The following TNFSF8 variants were observed in gnomAD, a reference collection of about 807,000 sequenced individuals.
The protein encoded by TNFSF8 is TNF superfamily member 8, also known as tumor necrosis factor ligand superfamily member 8.
In TNFSF8, 4 loss-of-function variants were observed where a neutral mutation model predicts 22.0. That is an observed-to-expected ratio of 0.18 (90% confidence interval 0.09 to 0.42). The LOEUF is 0.42. Ranked by LOEUF, TNFSF8 falls within the 10% of genes least tolerant of loss-of-function variation. The pLI, the probability that TNFSF8 is intolerant of heterozygous loss-of-function variation, is 1.00. For synonymous variants in TNFSF8, 106 were observed against 112.5 expected (o/e 0.94, Z 0.37); for missense variants, 233 against 281.8 (o/e 0.83, Z 1.24).
intron 2 of TNFSF8, among the ~76,000 whole-genome samples, chr9:114,911,657 A>G (rs1207569056): frequency 1.3e-5 from 2 of 152,228 alleles, no homozygotes; most frequent in African/African-American, 4.8e-5. Flanking sequence ...GACTGAGCAC[A>G]TAGGAAGTGA....
Position 114,927,092 on chromosome 9 carries a change from A to G in TNFSF8, c.195+3017T>C, listed in dbSNP as rs188134951. 4.0e-3 allele frequency among the ~76,000 whole-genome samples: 588 copies of G among 147,272 alleles called. 3 individuals carry two copies. Among genetic ancestry groups the G allele is most frequent in the African/African-American group, 0.014 (563 of 40,806 alleles). On this transcript the variant is annotated intron_variant, in intron 1 of 3. Transcript: ENST00000223795. ...TTATTTTATAATATATTTATAATAT[A>G]AAATGTTTATTTTATAATATAAAGT...
At chr9:114,920,265 AT>A (rs1564371587) in intron 1 of TNFSF8, among the ~76,000 whole-genome samples, 1 of 152,220 alleles carries the variant, frequency 6.6e-6, no homozygotes, top group Non-Finnish European at 1.5e-5. Context: ...TCTTACCACA[AT>A]CATCAAATTC....
chr9:114,924,190 A>T (rs527872779), intron 1 of TNFSF8, among the ~76,000 whole-genome samples: 19 of 152,208 alleles, frequency 1.2e-4, no homozygotes, highest in Non-Finnish European at 2.4e-4. Context: ...AGCTTGTTAA[A>T]ATGCAGATTC....
At chr9:114,898,291 C>T (rs1275373023), downstream of TNFSF8, among the ~76,000 whole-genome samples, 2 of 152,134 alleles carry the variant, frequency 1.3e-5, no homozygotes, top group South Asian at 4.1e-4. Flanking sequence ...CCTGAGCCAC[C>T]GTGCCTGGCT....
In TNFSF8 at chr9:114,904,102, C is replaced by T. The variant is rs866292868; in HGVS notation, c.534G>A (p.Glu178=). 1 of 1,614,142 alleles carries T rather than the reference C, an allele frequency of 6.2e-7. No homozygotes were observed. The highest frequency in any genetic ancestry group is 8.5e-7 in the Non-Finnish European group (1 of 1,179,994). ...ATACGTGTTTCGTTTGCATTCCAGA[C>T]TCACACACTGTCACCAGGGCCTGTT... The part of the protein sequence containing the change: ...IKKQALVTVC[E]SGMQTKHVYQ... The change falls in exon 4 of 4, where the codon GAG becomes GAA. Residue 178 remains glutamate, a synonymous_variant. Coordinates refer to ENST00000223795, the MANE Select transcript of TNFSF8 (RefSeq NM_001244.4).
In TNFSF8 at chr9:114,930,104, C is replaced by T; in HGVS notation, c.195+5G>A. ...AAGGAAAGGGAGGAAGAGGAGTCCA[C>T]TTACCGTCCTCTGAACGACCAACAC... is the stretch of plus-strand genomic sequence containing the variant. On this transcript the variant is annotated splice_donor_5th_base_variant and intron_variant, in intron 1 of 3. Transcript: ENST00000223795. The T allele has an allele frequency of 6.8e-7, 1 of 1,473,952 alleles. No individual in the cohort carries two copies. Among genetic ancestry groups the T allele is most frequent in the Non-Finnish European group, 9.1e-7 (1 of 1,104,060 alleles). 91.3% of individuals were successfully genotyped at this position (1,473,952 alleles called of 1,614,324 possible). A position where few individuals can be genotyped will look rare whatever the true frequency, so the allele number is the denominator to read the frequency against.
At position 114,901,215 on chromosome 9, in the gene TNFSF8, T is replaced by C. The variant is rs1827712484; in HGVS notation, c.*2716A>G. On this transcript the variant is annotated 3_prime_UTR_variant, in exon 4 of 4. Coordinates refer to ENST00000223795, the MANE Select transcript of TNFSF8 (RefSeq NM_001244.4). ...TTACTCATGGAGTATCATTTGCTCATAACATTCCCAGGGGCTGGTTAACCC... is the reference window on the plus strand; with the variant it reads ...TTACTCATGGAGTATCATTTGCTCACAACATTCCCAGGGGCTGGTTAACCC... 3.0e-6 allele frequency: 3 copies of C among 985,490 alleles called. No individual in the cohort carries two copies. In the South Asian group the frequency reaches 1.4e-4, roughly 46 times the overall value. The allele number at this position is 985,490 out of a possible 1,614,324, so 61.0% of individuals were successfully genotyped here.
intron 1 of TNFSF8, among the ~76,000 whole-genome samples, chr9:114,928,478 T>C (rs10982456): frequency 0.57 from 86,466 of 152,102 alleles, 26,600 homozygotes; most frequent in African/African-American, 0.8. Context: ...AGCTCTGAAG[T>C]TCTCTCTAGC....
chr9:114,928,397 A>G (rs945578864), intron 1 of TNFSF8, among the ~76,000 whole-genome samples: 1 of 152,188 alleles, frequency 6.6e-6, no homozygotes, highest in Non-Finnish European at 1.5e-5. Flanking sequence ...CATTTACAAA[A>G]ATGAGGCAGA....
rs1827725407 is a variant in TNFSF8, at chr9:114,902,157, C to G, written c.*1774G>C. 1 of 985,358 alleles carries G rather than the reference C, an allele frequency of 1.0e-6. No individual in the cohort carries two copies. The highest frequency in any genetic ancestry group is 1.2e-6 in the Non-Finnish European group (1 of 829,918). The allele number at this position is 985,358 out of a possible 1,614,324, so 61.0% of individuals were successfully genotyped here. Reference sequence around the variant, plus strand: ...TTCCTCCAAAGATGATGTACAGATGCCAAGTTGGATATAGCTAGAGAAATC... The same window carrying G: ...TTCCTCCAAAGATGATGTACAGATGGCAAGTTGGATATAGCTAGAGAAATC... On this transcript the variant is annotated 3_prime_UTR_variant, in exon 4 of 4. Coordinates refer to ENST00000223795, the MANE Select transcript of TNFSF8 (RefSeq NM_001244.4).
At chr9:114,910,341 A>G (rs1243160820) in intron 2 of TNFSF8, among the ~76,000 whole-genome samples, 1 of 152,202 alleles carries the variant, frequency 6.6e-6, no homozygotes, top group Non-Finnish European at 1.5e-5. Context: ...AATATTAGAC[A>G]GAAAGGGTCA....
At chr9:114,912,225 ATG>A (rs1241336611) in intron 2 of TNFSF8, among the ~76,000 whole-genome samples, 17 of 152,190 alleles carry the variant, frequency 1.1e-4, no homozygotes, top group African/African-American at 3.9e-4. Flanking sequence ...AAATGAGATA[ATG>A]CATAAAAATG....
At chr9:114,915,993 C>T (rs911445042) in intron 2 of TNFSF8, among the ~76,000 whole-genome samples, 16 of 152,174 alleles carry the variant, frequency 1.1e-4, no homozygotes, top group Non-Finnish European at 1.9e-4. Context: ...GTGATTTCGT[C>T]CATGGTTGTG....
Position 114,896,071 on chromosome 9 carries a change from G to A in TNFSF8, c.410-1907C>T, listed in dbSNP as rs568767106. Among the ~76,000 whole-genome samples, 3 of 152,328 alleles carry A rather than the reference G, an allele frequency of 2.0e-5. No individual in the cohort carries two copies. In the East Asian group the frequency reaches 5.8e-4, roughly 29 times the overall value. On this transcript the variant is annotated intron_variant, in intron 4 of 4. Coordinates refer to the TNFSF8 transcript ENST00000618336. Reference sequence around the variant, plus strand: ...ATAAGCAGCAGACAAGGAAGACCAAGCCAATTCATGAAAGTCCACTTGGGG... The same window carrying A: ...ATAAGCAGCAGACAAGGAAGACCAAACCAATTCATGAAAGTCCACTTGGGG...
chr9:114,911,380 G>A (rs1245230206), intron 2 of TNFSF8, among the ~76,000 whole-genome samples: 1 of 152,180 alleles, frequency 6.6e-6, no homozygotes, highest in African/African-American at 2.4e-5. Context: ...ATCCAGGAGA[G>A]TCCCAACAGT....
downstream of TNFSF8, among the ~76,000 whole-genome samples, chr9:114,899,371 G>A (rs1488316697): frequency 1.5e-5 from 2 of 132,954 alleles, no homozygotes; most frequent in East Asian, 2.1e-4. Flanking sequence ...CTTAGTCCTC[G>A]TTGGCAACAT....
At chr9:114,906,556 G>C (rs1827788369) in intron 2 of TNFSF8, among the ~76,000 whole-genome samples, 1 of 152,116 alleles carries the variant, frequency 6.6e-6, no homozygotes, top group Non-Finnish European at 1.5e-5. Flanking sequence ...CCAGAGGCCA[G>C]GTTTCCTGTT....
chr9:114,929,998 T>C, intron 1 of TNFSF8, 111 bp downstream of exon 1: 1 of 681,142 alleles, frequency 1.5e-6, no homozygotes, highest in Non-Finnish European at 2.3e-6. Flanking sequence ...AGTTTATTTA[T>C]TTAATTTTAT....
chr9:114,923,207 A>G (rs1205079431), intron 1 of TNFSF8, among the ~76,000 whole-genome samples: 1 of 152,080 alleles, frequency 6.6e-6, no homozygotes, highest in Non-Finnish European at 1.5e-5. Flanking sequence ...TTGCCTTCTT[A>G]TGGGCTGTGC....
Sources: gnomAD v4.1 joint callset for allele counts (sites outside exome capture counted in the v4.1 genomes callset) on GRCh38, gnomAD v4.1.1 for gene constraint, MANE v1.5 for transcripts, NCBI Gene and HGNC (gene_info 2026-07-23, HGNC 2026-07-21) for gene names.